The following RBMS3 variants were observed in gnomAD, a reference collection of about 807,000 sequenced individuals.
RBMS3 encodes RNA binding motif single stranded interacting protein 3.
Under a neutral mutation model 66.8 loss-of-function variants are expected in RBMS3, and 27 were observed. The observed-to-expected ratio is 0.40, with a 90% confidence interval of 0.30 to 0.56. The LOEUF is 0.56. RBMS3 is among the 20% of genes least tolerant of loss of function. RBMS3 has a pLI of 0.40. For missense variants in RBMS3, 513 were observed against 549.5 expected, an observed-to-expected ratio of 0.93 and a Z score of 0.66; for synonymous variants, 188 against 183.0, an observed-to-expected ratio of 1.03 and a Z score of -0.22.
intron 4 of RBMS3, among the ~76,000 whole-genome samples, chr3:29,665,313 C>T (rs139081776): frequency 1.4e-4 from 22 of 152,186 alleles, no homozygotes; most frequent in South Asian, 4.1e-4. Context: ...CAATTATATA[C>T]GATTGATTTA....
intron 10 of RBMS3, among the ~76,000 whole-genome samples, chr3:29,931,932 G>A (rs928659941): frequency 3.3e-5 from 5 of 152,046 alleles, no homozygotes; most frequent in Non-Finnish European, 4.4e-5. Flanking sequence ...ATAACTATAG[G>A]CAATCGTATA....
chr3:29,875,757 A>G (rs1275364962), intron 7 of RBMS3, among the ~76,000 whole-genome samples: 1 of 152,054 alleles, frequency 6.6e-6, no homozygotes, highest in East Asian at 1.9e-4. Context: ...TTAGATAGCT[A>G]TATTATATTA....
intron 6 of RBMS3, among the ~76,000 whole-genome samples, chr3:29,769,354 A>G (rs1282571048): frequency 6.6e-6 from 1 of 151,910 alleles, no homozygotes; most frequent in Non-Finnish European, 1.5e-5. Flanking sequence ...TATCAAACAG[A>G]AGGTATTTTT....
At chr3:29,598,116 A>T (rs1176206755) in intron 4 of RBMS3, among the ~76,000 whole-genome samples, 1 of 152,138 alleles carries the variant, frequency 6.6e-6, no homozygotes, top group African/African-American at 2.4e-5. Context: ...GTATTGTTAG[A>T]TATCTGGTTT....
chr3:29,819,059 A>C (rs2058000610), intron 6 of RBMS3, among the ~76,000 whole-genome samples: 2 of 152,210 alleles, frequency 1.3e-5, no homozygotes, highest in Non-Finnish European at 2.9e-5. Flanking sequence ...CAACAAGATA[A>C]AAAAGATGTC....
chr3:29,966,501 A>G (rs924734069), intron 12 of RBMS3, among the ~76,000 whole-genome samples: 3 of 152,038 alleles, frequency 2.0e-5, no homozygotes, highest in Non-Finnish European at 2.9e-5. Flanking sequence ...CCACTTGGTC[A>G]CTGTTGGTGT....
intron 1 of RBMS3, among the ~76,000 whole-genome samples, chr3:29,374,107 G>A (rs1449026671): frequency 1.3e-5 from 2 of 152,020 alleles, no homozygotes; most frequent in East Asian, 3.9e-4. Context: ...ATCAGCCTGG[G>A]GACTATAACC....
In RBMS3 at chr3:29,488,347, G is replaced by A. The variant is rs145149598; in HGVS notation, c.249-94G>A. 7.0e-4 allele frequency: 710 copies of A among 1,008,616 alleles called. 5 individuals are homozygous for A. In the African/African-American group the frequency reaches 9.0e-3, roughly 13 times the overall value. 62.5% of individuals were successfully genotyped at this position (1,008,616 alleles called of 1,614,324 possible). A position where few individuals can be genotyped will look rare whatever the true frequency, so the allele number is the denominator to read the frequency against. On this transcript the variant is annotated intron_variant, in intron 2 of 14. Transcript: ENST00000383767. The stretch of plus-strand genomic sequence containing the variant: ...GAGCTTGTTTTCTTGGTTTATGCAT[G>A]CTCAGTTGTGTGTGCCCCGATGTTC...
At chr3:29,648,734 T>A (rs1473200286) in intron 4 of RBMS3, among the ~76,000 whole-genome samples, 2 of 151,910 alleles carry the variant, frequency 1.3e-5, no homozygotes, top group Non-Finnish European at 2.9e-5. Flanking sequence ...CCTAAACATG[T>A]CCAAATATTT....
intron 5 of RBMS3, among the ~76,000 whole-genome samples, chr3:29,743,076 G>A (rs2054712902): frequency 6.6e-6 from 1 of 152,158 alleles, no homozygotes; most frequent in South Asian, 2.1e-4. Flanking sequence ...TTGAGGAGCA[G>A]AATCCCATAT....
chr3:29,764,886 C>A (rs984081902), intron 6 of RBMS3, among the ~76,000 whole-genome samples: 5 of 152,028 alleles, frequency 3.3e-5, no homozygotes, highest in Middle Eastern at 3.4e-3. Flanking sequence ...TATGAGTTTT[C>A]TCACTCATTT....
At chr3:29,372,226 A>G (rs2038243102) in intron 1 of RBMS3, among the ~76,000 whole-genome samples, 1 of 152,190 alleles carries the variant, frequency 6.6e-6, no homozygotes, top group African/African-American at 2.4e-5. Context: ...GCTACTCAGG[A>G]GGCTGAGGCA....
chr3:29,429,872 C>A (rs930025454), intron 1 of RBMS3, among the ~76,000 whole-genome samples: 1 of 152,152 alleles, frequency 6.6e-6, no homozygotes, highest in Non-Finnish European at 1.5e-5. Context: ...GGAAGCAGAG[C>A]CACTTTAATC....
chr3:29,993,840 G>C (rs1178685033), intron 14 of RBMS3, among the ~76,000 whole-genome samples: 1 of 152,184 alleles, frequency 6.6e-6, no homozygotes, highest in African/African-American at 2.4e-5. Flanking sequence ...GCCAGCTGCA[G>C]ATCATTGTAG....
chr3:29,339,035 C>T (rs4347969), intron 1 of RBMS3, among the ~76,000 whole-genome samples: 19,618 of 152,098 alleles, frequency 0.13, 1,321 homozygotes, highest in East Asian at 0.22. Context: ...AGGTCAGCCA[C>T]TGTAAGCCAG....
chr3:29,950,734 A>G (rs1334720253), intron 12 of RBMS3, among the ~76,000 whole-genome samples: 1 of 151,890 alleles, frequency 6.6e-6, no homozygotes, highest in Non-Finnish European at 1.5e-5. Context: ...TTAACATTTT[A>G]ACCTCTTCTT....
intron 4 of RBMS3, among the ~76,000 whole-genome samples, chr3:29,717,757 A>T (rs2053462103): frequency 6.6e-6 from 1 of 152,178 alleles, no homozygotes. Flanking sequence ...ATTCTAGTAT[A>T]AACTTCAAAA....
At chr3:29,849,831 A>T (rs2058888368) in intron 6 of RBMS3, among the ~76,000 whole-genome samples, 1 of 152,168 alleles carries the variant, frequency 6.6e-6, no homozygotes, top group African/African-American at 2.4e-5. Context: ...TGTAACAGAA[A>T]ATTTCCTTGA....
At chr3:29,733,423 G>C (rs1212518097) in intron 4 of RBMS3, among the ~76,000 whole-genome samples, 1 of 151,340 alleles carries the variant, frequency 6.6e-6, no homozygotes. Flanking sequence ...AGTATTTTTA[G>C]TTTTCTGAGG....
Sources: allele counts gnomAD v4.1 joint callset (sites outside exome capture counted in the v4.1 genomes callset), GRCh38; gene constraint gnomAD v4.1.1; transcripts MANE v1.5; gene names NCBI Gene and HGNC (gene_info 2026-07-23, HGNC 2026-07-21).